The following TTC28 variants were observed in gnomAD, a reference collection of about 807,000 sequenced individuals.
TTC28 encodes tetratricopeptide repeat protein 28.
In TTC28, 61 loss-of-function variants were observed where a neutral mutation model predicts 198.0. The observed-to-expected ratio is 0.31, with a 90% CI of 0.25 to 0.38. TTC28 has a LOEUF of 0.38. Among genes scored for constraint, TTC28 ranks in the 10% least tolerant of loss-of-function variants. The probability of loss-of-function intolerance (pLI) is 1.00; values close to 1 mark genes in which losing one functional copy is unlikely to be tolerated. For synonymous variants in TTC28, 1,171 were observed against 1,297.8 expected (o/e 0.90, Z 2.10); for missense variants, 2,678 against 3,164.0 (o/e 0.85, Z 3.69).
intron 5 of TTC28, among the ~76,000 whole-genome samples, chr22:28,198,795 C>G (rs1253797107): frequency 6.6e-6 from 1 of 152,064 alleles, no homozygotes; most frequent in Non-Finnish European, 1.5e-5. Context: ...TGGTATCCAC[C>G]TAGCAGTTGG....
intron 2 of TTC28, among the ~76,000 whole-genome samples, chr22:28,544,019 G>A (rs887086063): frequency 1.4e-4 from 21 of 152,148 alleles, no homozygotes; most frequent in African/African-American, 5.1e-4. Flanking sequence ...TCAGGAGTTT[G>A]AGACCAGCCT....
chr22:28,349,828 T>C (rs2045965301), intron 2 of TTC28, among the ~76,000 whole-genome samples: 1 of 152,162 alleles, frequency 6.6e-6, no homozygotes, highest in Admixed American at 6.5e-5. Context: ...TAAAAAACAT[T>C]TGAATTAACT....
At chr22:28,482,201 G>C (rs986370031) in intron 2 of TTC28, among the ~76,000 whole-genome samples, 1 of 142,398 alleles carries the variant, frequency 7.0e-6, no homozygotes, top group African/African-American at 2.5e-5. Flanking sequence ...GATAGTAATG[G>C]GCAGTCTTTT....
chr22:28,117,314 G>A (rs1387952315), intron 6 of TTC28, among the ~76,000 whole-genome samples: 1 of 152,176 alleles, frequency 6.6e-6, no homozygotes, highest in East Asian at 1.9e-4. Flanking sequence ...ATACTTTGTT[G>A]TATTAAGCCA....
chr22:28,277,235 T>C (rs1265577066), intron 5 of TTC28, among the ~76,000 whole-genome samples: 1 of 152,204 alleles, frequency 6.6e-6, no homozygotes, highest in Non-Finnish European at 1.5e-5. Context: ...AGCAATTCAA[T>C]GGTGATTTCT....
intron 2 of TTC28, among the ~76,000 whole-genome samples, chr22:28,345,740 T>C (rs746681085): frequency 2.0e-5 from 3 of 152,218 alleles, no homozygotes; most frequent in African/African-American, 2.4e-5. Context: ...GCATATTATA[T>C]TGGTTTTACG....
intron 5 of TTC28, among the ~76,000 whole-genome samples, chr22:28,286,506 T>C (rs1251819104): frequency 6.6e-6 from 1 of 152,190 alleles, no homozygotes; most frequent in African/African-American, 2.4e-5. Context: ...AAATGCTCAA[T>C]AGCCACATGT....
chr22:28,269,405 A>G (rs1739105332), intron 5 of TTC28, among the ~76,000 whole-genome samples: 3 of 152,034 alleles, frequency 2.0e-5, no homozygotes, highest in African/African-American at 4.8e-5. Flanking sequence ...ACTCTTCCCA[A>G]TTTTGTTCTT....
intron 2 of TTC28, among the ~76,000 whole-genome samples, chr22:28,593,683 T>G (rs533999302): frequency 1.3e-5 from 2 of 152,358 alleles, no homozygotes; most frequent in East Asian, 1.9e-4. Context: ...GTTTTTACTG[T>G]ACACTCTTTT....
rs182767267 is a variant in TTC28, at chr22:28,155,667, G to A, written c.1441+7425C>T. Among the ~76,000 whole-genome samples, 505 of 152,294 alleles carry A rather than the reference G, an allele frequency of 3.3e-3. 5 individuals are homozygous for A. Among genetic ancestry groups the A allele is most frequent in the Middle Eastern group, 0.014 (4 of 294 alleles). On this transcript the variant is annotated intron_variant, in intron 6 of 22. Coordinates refer to ENST00000397906, the MANE Select transcript of TTC28 (RefSeq NM_001145418.2). The stretch of plus-strand genomic sequence containing the variant: ...AGCTTAAGGAAATGTATTGAAGCAG[G>A]AAAACATGGCCAATGTGGTGAGATT...
intron 5 of TTC28, among the ~76,000 whole-genome samples, chr22:28,186,941 G>A (rs1924257231): frequency 1.3e-5 from 2 of 152,174 alleles, no homozygotes; most frequent in South Asian, 2.1e-4. Context: ...CAAAGCACAC[G>A]TTATATCATT....
chr22:28,143,214 T>C (rs1943383448), intron 6 of TTC28, among the ~76,000 whole-genome samples: 1 of 152,124 alleles, frequency 6.6e-6, no homozygotes, highest in Non-Finnish European at 1.5e-5. Context: ...GGCTCAAAAA[T>C]TACTTTGTGA....
rs145177510 is a variant in TTC28, at chr22:28,412,543, G to A, written c.382-105900C>T. Among the ~76,000 whole-genome samples the A allele has an allele frequency of 5.6e-4, 85 of 152,268 alleles. No homozygotes were observed. The East Asian group carries it at 0.014, about 25-fold the overall frequency. ...CCTTATGACTTCCAATCAAATGTAT[G>A]ATGATCCCACTACAATACTCTTCTC... On this transcript the variant is annotated intron_variant, in intron 2 of 22. Coordinates refer to ENST00000397906, the MANE Select transcript of TTC28 (RefSeq NM_001145418.2).
In TTC28 at chr22:27,980,566, C is replaced by T. The variant is rs1264767864; in HGVS notation, c.*1655G>A. 6.6e-6 allele frequency: 1 copy of T among 152,278 alleles called. No individual in the cohort carries two copies. Among genetic ancestry groups the T allele is most frequent in the East Asian group, 1.9e-4 (1 of 5,198 alleles). 9.4% of individuals were successfully genotyped at this position (152,278 alleles called of 1,614,324 possible). A position where few individuals can be genotyped will look rare whatever the true frequency, so the allele number is the denominator to read the frequency against. On this transcript the variant is annotated 3_prime_UTR_variant, in exon 23 of 23. Transcript: ENST00000397906. ...GCTGAGATCCCACCCATGGTTAAAACCCCCACCTGGGGATCCTGAGGTCAG... is the reference window on the plus strand; with the variant it reads ...GCTGAGATCCCACCCATGGTTAAAATCCCCACCTGGGGATCCTGAGGTCAG...
At chr22:28,405,896 G>A (rs1018204255) in intron 2 of TTC28, among the ~76,000 whole-genome samples, 3 of 152,224 alleles carry the variant, frequency 2.0e-5, no homozygotes, top group African/African-American at 7.2e-5. Context: ...AAATATGACT[G>A]CAGAACTGTT....
intron 2 of TTC28, among the ~76,000 whole-genome samples, chr22:28,384,364 A>G (rs2046541761): frequency 6.6e-6 from 1 of 152,196 alleles, no homozygotes; most frequent in Admixed American, 6.5e-5. Flanking sequence ...CTGGGATTAC[A>G]GGCCTGAGCC....
At chr22:28,451,388 CA>C (rs112671043) in intron 2 of TTC28, among the ~76,000 whole-genome samples, 3 of 152,280 alleles carry the variant, frequency 2.0e-5, no homozygotes, top group African/African-American at 7.2e-5. Context: ...AGGAAAACAA[CA>C]AAATCCAGCA....
At chr22:28,025,986 C>T (rs1051655221) in intron 13 of TTC28, among the ~76,000 whole-genome samples, 5 of 152,220 alleles carry the variant, frequency 3.3e-5, no homozygotes, top group Non-Finnish European at 7.3e-5. Flanking sequence ...CTCTCCTCTC[C>T]AGTCACTGCT....
intron 2 of TTC28, among the ~76,000 whole-genome samples, chr22:28,435,968 A>G: frequency 6.6e-6 from 1 of 152,192 alleles, no homozygotes; most frequent in Admixed American, 6.5e-5. Flanking sequence ...CCTGTTTTTA[A>G]TTGAAAGGAA....
Sources: gnomAD v4.1 joint callset for allele counts (sites outside exome capture counted in the v4.1 genomes callset) on GRCh38, gnomAD v4.1.1 for gene constraint, MANE v1.5 for transcripts, NCBI Gene and HGNC (gene_info 2026-07-23, HGNC 2026-07-21) for gene names.